Variants in SEC63 observed in about 807,000 individuals in gnomAD.
SEC63 encodes the protein SEC63 protein translocation regulator, also known as translocation protein SEC63 homolog.
In SEC63, 56 loss-of-function variants were observed where a neutral mutation model predicts 116.2. The ratio of observed to expected loss-of-function variants is 0.48; its 90% CI spans 0.39 to 0.60. The LOEUF (loss-of-function observed/expected upper bound fraction) is 0.60, where lower values mean the gene tolerates loss of function less well. Ranked by LOEUF, SEC63 falls within the 20% of genes least tolerant of loss-of-function variation. The pLI is 0.00. For synonymous variants in SEC63, 273 were observed against 294.6 expected, an observed-to-expected ratio of 0.93 and a Z score of 0.75; for missense variants, 668 against 900.0, an observed-to-expected ratio of 0.74 and a Z score of 3.30.
At chr6:107,927,914 T>G (rs1787711846) in intron 2 of SEC63, among the ~76,000 whole-genome samples, 1 of 152,196 alleles carries the variant, frequency 6.6e-6, no homozygotes, top group Non-Finnish European at 1.5e-5. Flanking sequence ...TACTTTTAAT[T>G]GTTGTATTGT....
chr6:107,925,301 C>T (rs1787650730), intron 2 of SEC63, among the ~76,000 whole-genome samples: 1 of 151,970 alleles, frequency 6.6e-6, no homozygotes, highest in Non-Finnish European at 1.5e-5. Context: ...AGCAATTACA[C>T]TTTTATTAAG....
intron 1 of SEC63, among the ~76,000 whole-genome samples, chr6:107,953,351 T>TG (rs2114522538): frequency 6.6e-6 from 1 of 152,356 alleles, no homozygotes; most frequent in Non-Finnish European, 1.5e-5. Flanking sequence ...TAAGAACAAA[T>TG]GTGCTTCAGA....
At chr6:107,899,753 T>C (rs965665977) in intron 13 of SEC63, among the ~76,000 whole-genome samples, 5 of 152,128 alleles carry the variant, frequency 3.3e-5, no homozygotes, top group African/African-American at 1.2e-4. Context: ...GAAAAGGGTA[T>C]ACTTTTAACA....
chr6:107,950,666 CG>C (rs1770563564), intron 1 of SEC63, among the ~76,000 whole-genome samples: 1 of 152,072 alleles, frequency 6.6e-6, no homozygotes, highest in Non-Finnish European at 1.5e-5. Flanking sequence ...CTGAAACACA[CG>C]GAAGTTAAAT....
Position 107,929,509 on chromosome 6 carries a change from T to C in SEC63, c.130A>G (p.Ile44Val), listed in dbSNP as rs1787751399. Residue 44 changes from isoleucine (I) to valine (V), a missense_variant, in exon 2 of 21, where the codon ATT (isoleucine) becomes GTT (valine). By Grantham distance (29) the Ile-to-Val change is conservative. Transcript: ENST00000369002. The part of the protein sequence containing the change: ...LWPRDQNAEQ[I>V]RLKNIRKVYG... ...ACTTTTCTGATATTCTTTAATCGAA[T>C]TTGCTCTGTCAAGAAAGAAAAATAA... 2 of 1,581,596 alleles carry C rather than the reference T, an allele frequency of 1.3e-6. No individual in the cohort carries two copies. Among genetic ancestry groups the C allele is most frequent in the Non-Finnish European group, 1.7e-6 (2 of 1,151,036 alleles).
intron 10 of SEC63, among the ~76,000 whole-genome samples, chr6:107,905,260 G>A (rs1313087964): frequency 6.6e-6 from 1 of 152,208 alleles, no homozygotes; most frequent in Non-Finnish European, 1.5e-5. Flanking sequence ...TTATGTATCT[G>A]TACAGAACAT....
intron 19 of SEC63, among the ~76,000 whole-genome samples, chr6:107,875,832 T>C (rs555690610): frequency 5.6e-4 from 85 of 152,288 alleles, no homozygotes; most frequent in Middle Eastern, 3.4e-3. Flanking sequence ...ATTCTTTCTA[T>C]AGAGAAATAA....
At position 107,902,966 on chromosome 6, in the gene SEC63, G is replaced by A; in HGVS notation, c.1087C>T (p.Leu363=). The A allele has an allele frequency of 6.2e-7, 1 of 1,613,990 alleles. No homozygotes were observed. Among genetic ancestry groups the A allele is most frequent in the Non-Finnish European group, 8.5e-7 (1 of 1,179,978 alleles). Residue 363 remains leucine, a synonymous_variant, in exon 12 of 21, where the codon CTA becomes TTA. Transcript: ENST00000369002. ...TGAGAAAGCTTCATGCAGTTTTCTA[G>A]GGATGCCAAAGTTGGAGCACGAAAC... ...REFRAPTLAS[L]ENCMKLSQMA... is the part of the protein sequence containing the mutation.
Position 107,906,682 on chromosome 6 carries a change from C to T in SEC63, c.828+1G>A, listed in dbSNP as rs1404940028. 6.2e-7 allele frequency: 1 copy of T among 1,612,578 alleles called. No individual in the cohort carries two copies. On this transcript the variant is annotated splice_donor_variant, in intron 9 of 20. Coordinates refer to ENST00000369002, the MANE Select transcript of SEC63 (RefSeq NM_007214.5). LOFTEE classifies it high-confidence loss of function. ...CGGGGGATTTGGGAAATTAGCCTAA[C>T]CTGTGGTATTAGAATATTATCCGTT...
intron 14 of SEC63, among the ~76,000 whole-genome samples, chr6:107,894,916 T>G (rs753732353): frequency 2.8e-4 from 42 of 152,250 alleles, no homozygotes; most frequent in Non-Finnish European, 3.8e-4. Flanking sequence ...AAACAAAGCT[T>G]TACTGGAACA....
At chr6:107,877,168 G>A (rs1049892699) in intron 18 of SEC63, 3 of 153,836 alleles carry the variant, frequency 2.0e-5, no homozygotes, top group Admixed American at 1.3e-4. Flanking sequence ...CGAAACCTCC[G>A]TGCATTCAGC....
At chr6:107,888,174 T>A (rs1786581987) in intron 16 of SEC63, among the ~76,000 whole-genome samples, 2 of 152,222 alleles carry the variant, frequency 1.3e-5, no homozygotes, top group South Asian at 4.1e-4. Flanking sequence ...ATCTATAAAT[T>A]ACTTTGGGGA....
intron 16 of SEC63, 71 bp downstream of exon 16, chr6:107,893,411 A>G: frequency 6.9e-7 from 1 of 1,454,414 alleles, no homozygotes; most frequent in Non-Finnish European, 9.6e-7. Context: ...GAAGCTGTAC[A>G]CGTAAGACTT....
At chr6:107,913,232 G>T in intron 5 of SEC63, 134 bp downstream of exon 5, 1 of 686,332 alleles carries the variant, frequency 1.5e-6, no homozygotes. Flanking sequence ...AAATTAATGA[G>T]AGCTCAATTT....
At chr6:107,917,765 G>A (rs983392042) in intron 4 of SEC63, among the ~76,000 whole-genome samples, 8 of 152,236 alleles carry the variant, frequency 5.3e-5, no homozygotes, top group Non-Finnish European at 7.3e-5. Context: ...CGAAGGCTGA[G>A]AGAGGTGAGG....
At chr6:107,896,727 C>T (rs1213376088) in intron 14 of SEC63, among the ~76,000 whole-genome samples, 1 of 151,986 alleles carries the variant, frequency 6.6e-6, no homozygotes, top group Non-Finnish European at 1.5e-5. Context: ...GCCTGTAATC[C>T]CAGAACTTTG....
intron 1 of SEC63, chr6:107,931,950 G>C (rs866525062): frequency 1.3e-5 from 2 of 152,842 alleles, no homozygotes; most frequent in Admixed American, 1.3e-4. Flanking sequence ...CTAAGACAAC[G>C]CAGCTCCAAA....
rs1022701474 is a variant in SEC63, at chr6:107,929,851, A to T, written c.125-337T>A. ...TCTCTCCCTCTTTCCCCTCTGCTAT[A>T]GAAGGAACAAGAAGTATAAAATAGT... On this transcript the variant is annotated intron_variant, in intron 1 of 20. Transcript: ENST00000369002. Among the ~76,000 whole-genome samples the T allele has an allele frequency of 5.9e-4, 90 of 152,252 alleles. 2 individuals are homozygous for T. Among genetic ancestry groups the T allele is most frequent in the Non-Finnish European group, 5.9e-5 (4 of 68,046 alleles).
chr6:107,930,270 G>A (rs1787770627), intron 1 of SEC63: 1 of 129,708 alleles, frequency 7.7e-6, no homozygotes, highest in African/African-American at 2.9e-5. Flanking sequence ...TCCTGCCTCA[G>A]AGCACCCCCG....
Sources: allele counts gnomAD v4.1 joint callset (sites outside exome capture counted in the v4.1 genomes callset), GRCh38; gene constraint gnomAD v4.1.1; transcripts MANE v1.5; gene names NCBI Gene and HGNC (gene_info 2026-07-23, HGNC 2026-07-21).